Variants in PCSK2 observed in about 807,000 individuals in gnomAD.
PCSK2 encodes the protein proprotein convertase subtilisin/kexin type 2.
Under a neutral mutation model 69.7 loss-of-function variants are expected in PCSK2, and 14 were observed. The observed-to-expected ratio is 0.20, with a 90% CI of 0.13 to 0.31. The LOEUF is 0.31. Among genes scored for constraint, PCSK2 ranks in the 10% least tolerant of loss-of-function variants. The pLI is 1.00. For missense variants in PCSK2, 544 were observed against 842.5 expected, an observed-to-expected ratio of 0.65 and a Z score of 4.39; for synonymous variants, 307 against 320.7, an observed-to-expected ratio of 0.96 and a Z score of 0.46.
At chr20:17,392,339 G>T (rs1212364785) in intron 5 of PCSK2, among the ~76,000 whole-genome samples, 2 of 152,166 alleles carry the variant, frequency 1.3e-5, no homozygotes, top group African/African-American at 4.8e-5. Context: ...CCTAAAAAAG[G>T]CTTGAAAGAA....
chr20:17,341,989 TG>T (rs1472139774), intron 2 of PCSK2, among the ~76,000 whole-genome samples: 1 of 152,218 alleles, frequency 6.6e-6, no homozygotes, highest in Non-Finnish European at 1.5e-5. Flanking sequence ...TTCCCAAAAC[TG>T]TAAGTTTAGC....
At chr20:17,231,800 C>A (rs1600393917) in intron 1 of PCSK2, among the ~76,000 whole-genome samples, 1 of 152,136 alleles carries the variant, frequency 6.6e-6, no homozygotes, top group Non-Finnish European at 1.5e-5. Flanking sequence ...CAAGAAACAA[C>A]CCTCTTCTGA....
intron 2 of PCSK2, among the ~76,000 whole-genome samples, chr20:17,314,650 A>G (rs1378808385): frequency 6.6e-6 from 1 of 152,216 alleles, no homozygotes; most frequent in Non-Finnish European, 1.5e-5. Context: ...AGCCAGATGA[A>G]CACAAGGACA....
intron 2 of PCSK2, among the ~76,000 whole-genome samples, chr20:17,346,300 A>G (rs531698092): frequency 7.9e-5 from 12 of 151,988 alleles, no homozygotes; most frequent in African/African-American, 2.9e-4. Context: ...CTCACCCCCA[A>G]ACGCCTTTCC....
chr20:17,227,317 T>C lies in PCSK2; in HGVS notation c.12T>C (p.Gly4=), dbSNP rs1206071466. The change falls in exon 1 of 12, where the codon GGT becomes GGC. Residue 4 remains glycine (G), a synonymous_variant. Transcript: ENST00000262545. MKG[G]CVSQWKAAAG... ...ACTCCCAAAGAAGGATGAAGGGTGG[T>C]TGTGTCTCCCAGTGGAAGGCGGCCG... is the stretch of plus-strand genomic sequence containing the variant. 3 of 1,613,484 alleles carry C rather than the reference T, an allele frequency of 1.9e-6. No homozygotes were observed. In the African/African-American group the frequency reaches 4.0e-5, roughly 22 times the overall value.
At chr20:17,227,524 G>A in intron 1 of PCSK2, 42 bp downstream of exon 1, 2 of 1,510,674 alleles carry the variant, frequency 1.3e-6, no homozygotes, top group Non-Finnish European at 1.8e-6. Flanking sequence ...TCAAAACGGG[G>A]GGACGGGGGG....
At chr20:17,327,449 A>G (rs186317556) in intron 2 of PCSK2, among the ~76,000 whole-genome samples, 1 of 152,198 alleles carries the variant, frequency 6.6e-6, no homozygotes, top group Admixed American at 6.5e-5. Flanking sequence ...AGGGGCCAAC[A>G]TGAATACATC....
chr20:17,300,978 C>T (rs1468283403), intron 2 of PCSK2, among the ~76,000 whole-genome samples: 1 of 152,068 alleles, frequency 6.6e-6, no homozygotes, highest in Non-Finnish European at 1.5e-5. Context: ...GGAAATGACC[C>T]AATGAAATAA....
chr20:17,388,290 T>A (rs114490409), intron 5 of PCSK2, among the ~76,000 whole-genome samples: 293 of 152,208 alleles, frequency 1.9e-3, no homozygotes, highest in African/African-American at 6.9e-3. Context: ...ATAACATGCC[T>A]AGATTTGGCA....
chr20:17,262,224 C>T (rs1387034050), intron 2 of PCSK2, among the ~76,000 whole-genome samples: 4 of 152,184 alleles, frequency 2.6e-5, no homozygotes, highest in Non-Finnish European at 5.9e-5. Context: ...AAAAGGGGTG[C>T]CTATTTCCCC....
chr20:17,285,173 G>A (rs1988468697), intron 2 of PCSK2, among the ~76,000 whole-genome samples: 1 of 152,160 alleles, frequency 6.6e-6, no homozygotes, highest in Admixed American at 6.5e-5. Flanking sequence ...TGTGAGGATG[G>A]CTTCAAGAAG....
intron 2 of PCSK2, among the ~76,000 whole-genome samples, chr20:17,283,129 T>C (rs565823341): frequency 1.3e-5 from 2 of 151,980 alleles, no homozygotes; most frequent in Admixed American, 1.3e-4. Flanking sequence ...AACACTACAT[T>C]CAAACAGAAA....
At chr20:17,467,531 T>C (rs1334963097) in intron 11 of PCSK2, among the ~76,000 whole-genome samples, 1 of 152,216 alleles carries the variant, frequency 6.6e-6, no homozygotes, top group Non-Finnish European at 1.5e-5. Flanking sequence ...TGCCAGCTCT[T>C]TGATGACAAA....
At chr20:17,464,091 T>C (rs527906468) in intron 10 of PCSK2, 35 of 152,298 alleles carry the variant, frequency 2.3e-4, no homozygotes, top group African/African-American at 7.9e-4. Flanking sequence ...AACCATTAAA[T>C]CACTGGTTCT....
At position 17,432,507 on chromosome 20, in the gene PCSK2, T is replaced by A. The variant is rs2032388289; in HGVS notation, c.709+2984T>A. ...GAAGAAAAATATTACTTTTTTTATT[T>A]TGAAAATGCCTTTATTCAAGTAACT... On this transcript the variant is annotated intron_variant, in intron 7 of 11. Transcript: ENST00000262545. 2.6e-5 allele frequency among the ~76,000 whole-genome samples: 4 copies of A among 152,236 alleles called. No individual in the cohort carries two copies. The South Asian group carries it at 8.3e-4, about 31-fold the overall frequency.
intron 2 of PCSK2, among the ~76,000 whole-genome samples, chr20:17,325,780 G>T (rs1422619621): frequency 6.6e-6 from 1 of 151,998 alleles, no homozygotes; most frequent in African/African-American, 2.4e-5. Flanking sequence ...CAGTGGGCTA[G>T]CCCAGGCATG....
At chr20:17,417,543 G>A (rs73259783) in intron 6 of PCSK2, among the ~76,000 whole-genome samples, 6,013 of 152,198 alleles carry the variant, frequency 0.04, 146 homozygotes, top group South Asian at 0.098. Flanking sequence ...CACTCAAATC[G>A]CAGCTACTTT....
At chr20:17,480,681 T>TG (rs1219338200) in intron 11 of PCSK2, among the ~76,000 whole-genome samples, 1 of 152,010 alleles carries the variant, frequency 6.6e-6, no homozygotes, top group Non-Finnish European at 1.5e-5. Context: ...AGTGAGGAAT[T>TG]GGAGATGTAA....
chr20:17,367,832 A>G (rs898375439), intron 4 of PCSK2, among the ~76,000 whole-genome samples: 1 of 152,226 alleles, frequency 6.6e-6, no homozygotes, highest in Admixed American at 6.5e-5. Flanking sequence ...ATCCAGAACA[A>G]GGGTTAACAA....
Sources: gnomAD v4.1 joint callset for allele counts (sites outside exome capture counted in the v4.1 genomes callset) on GRCh38, gnomAD v4.1.1 for gene constraint, MANE v1.5 for transcripts, NCBI Gene and HGNC (gene_info 2026-07-23, HGNC 2026-07-21) for gene names.